Variants in BLTP1 observed in about 807,000 individuals in gnomAD.
BLTP1 encodes fragile site-associated protein.
At chr4:122,172,958 C>T in the BLTP1 span, 5 of 1,577,052 alleles carry the variant, frequency 3.2e-6, no homozygotes, top group Non-Finnish European at 4.3e-6. Context: ...TTTTAAAATT[C>T]CAAGTATTAA....
chr4:122,329,443 C>T, the BLTP1 span, among the ~76,000 whole-genome samples: 42 of 151,084 alleles, frequency 2.8e-4, no homozygotes, highest in African/African-American at 9.2e-4. Flanking sequence ...TCCAAGTTTG[C>T]GTCTTTTCTA....
At chr4:122,192,950 C>T in the BLTP1 span, among the ~76,000 whole-genome samples, 1 of 152,156 alleles carries the variant, frequency 6.6e-6, no homozygotes, top group East Asian at 1.9e-4. Flanking sequence ...TAAGAGTCCT[C>T]CAACAAGGTG....
chr4:122,187,879 ATT>A, the BLTP1 span: 364 of 1,303,982 alleles, frequency 2.8e-4, no homozygotes, highest in Admixed American at 1.4e-3. Context: ...TTATCTGTTT[ATT>A]TTTTTTTTTT....
the BLTP1 span, chr4:122,301,059 T>C: frequency 1.0e-6 from 1 of 957,330 alleles, no homozygotes; most frequent in Non-Finnish European, 1.2e-6. Context: ...AACACATGTT[T>C]TGGTTCAATA....
chr4:122,206,009 T>C, the BLTP1 span: 1 of 984,542 alleles, frequency 1.0e-6, no homozygotes, highest in Non-Finnish European at 1.2e-6. Context: ...CTAATGTCTT[T>C]AAAGAGCTTT....
the BLTP1 span, among the ~76,000 whole-genome samples, chr4:122,360,193 G>T: frequency 6.6e-6 from 1 of 152,122 alleles, no homozygotes; most frequent in Non-Finnish European, 1.5e-5. Flanking sequence ...CCCTCTCTTT[G>T]CATACTAAGC....
At chr4:122,264,534 T>A in the BLTP1 span, 1 of 950,912 alleles carries the variant, frequency 1.1e-6, no homozygotes, top group Non-Finnish European at 1.4e-6. Flanking sequence ...AGGCTATACC[T>A]TACCTATCTG....
chr4:122,238,440 TC>T, the BLTP1 span: 3 of 979,128 alleles, frequency 3.1e-6, no homozygotes, highest in Admixed American at 4.6e-5. Context: ...CCCTCTCCAC[TC>T]CCCCACTTTA....
chr4:122,166,501 G>A, the BLTP1 span, among the ~76,000 whole-genome samples: 3 of 152,280 alleles, frequency 2.0e-5, no homozygotes, highest in East Asian at 5.8e-4. Context: ...TTGAAGTCAG[G>A]TACCGTGATG....
the BLTP1 span, chr4:122,339,070 G>A: frequency 1.0e-6 from 1 of 968,874 alleles, no homozygotes; most frequent in Non-Finnish European, 1.5e-6. Flanking sequence ...TTATGTATGA[G>A]TTCAGGTGAT....
chr4:122,319,823 G>A, the BLTP1 span, among the ~76,000 whole-genome samples: 3 of 152,106 alleles, frequency 2.0e-5, no homozygotes, highest in Admixed American at 6.5e-5. Flanking sequence ...ACAGGTGTGA[G>A]CCACCATGCC....
the BLTP1 span, chr4:122,177,821 T>G: frequency 1.3e-5 from 2 of 152,222 alleles, no homozygotes; most frequent in African/African-American, 2.4e-5. Flanking sequence ...CCCCACAAAC[T>G]AGCACTCTTT....
the BLTP1 span, among the ~76,000 whole-genome samples, chr4:122,316,172 A>G: frequency 2.0e-5 from 3 of 152,174 alleles, no homozygotes; most frequent in African/African-American, 7.2e-5. Context: ...TTTCATCTAT[A>G]CTATACACTC....
At chr4:122,241,816 G>T in the BLTP1 span, among the ~76,000 whole-genome samples, 2 of 152,284 alleles carry the variant, frequency 1.3e-5, no homozygotes, top group East Asian at 3.9e-4. Flanking sequence ...CCCTTGTGCA[G>T]AATAGTACCT....
At chr4:122,263,421 T>A in the BLTP1 span, 1 of 1,571,324 alleles carries the variant, frequency 6.4e-7, no homozygotes, top group Non-Finnish European at 8.6e-7. Context: ...AATATTATAC[T>A]CAGAAACATT....
At chr4:122,261,608 A>G in the BLTP1 span, 13 of 983,710 alleles carry the variant, frequency 1.3e-5, no homozygotes, top group African/African-American at 1.7e-4. Context: ...AAATCTTAAC[A>G]CACCTTGATT....
chr4:122,352,612 G>A, the BLTP1 span, among the ~76,000 whole-genome samples: 9 of 152,044 alleles, frequency 5.9e-5, no homozygotes, highest in African/African-American at 1.9e-4. Flanking sequence ...CACCCGCTAC[G>A]GCTTCCAAAA....
chr4:122,246,362 T>C, the BLTP1 span: 6 of 1,346,046 alleles, frequency 4.5e-6, no homozygotes, highest in African/African-American at 8.9e-5. Flanking sequence ...GTGTTTGTCC[T>C]TTTCAGTTAC....
chr4:122,359,944 G>A, the BLTP1 span: 30 of 985,226 alleles, frequency 3.0e-5, no homozygotes, highest in Non-Finnish European at 3.4e-5. Context: ...GCACTGATGA[G>A]TTGTCCAATG....
Sources: gnomAD v4.1 joint callset for allele counts (sites outside exome capture counted in the v4.1 genomes callset) on GRCh38, gnomAD v4.1.1 for gene constraint, MANE v1.5 for transcripts, NCBI Gene and HGNC (gene_info 2026-07-23, HGNC 2026-07-21) for gene names.